The following DENR variants were observed in gnomAD, a reference collection of about 807,000 sequenced individuals.
The protein encoded by DENR is density regulated re-initiation and release factor.
In DENR, 6 loss-of-function variants were observed where a neutral mutation model predicts 30.6. The ratio of observed to expected loss-of-function variants is 0.20; its 90% confidence interval spans 0.11 to 0.39. The LOEUF (loss-of-function observed/expected upper bound fraction) is 0.39. DENR is among the 10% of genes least tolerant of loss of function. The probability of loss-of-function intolerance (pLI) is 1.00; values close to 1 mark genes in which losing one functional copy is unlikely to be tolerated. For synonymous variants in DENR, 78 were observed against 72.1 expected (o/e 1.08, Z -0.41); for missense variants, 141 against 230.9 (o/e 0.61, Z 2.52).
At position 122,769,289 on chromosome 12, in the gene DENR, T is replaced by C. The variant is rs1441713186; in HGVS notation, c.*211T>C. 5 of 800,982 alleles carry C rather than the reference T, an allele frequency of 6.2e-6. No homozygotes were observed. Among genetic ancestry groups the C allele is most frequent in the Admixed American group, 1.9e-4 (2 of 10,696 alleles). 49.6% of individuals were successfully genotyped at this position (800,982 alleles called of 1,614,324 possible). Reference sequence around the variant, plus strand: ...ACATATATGTATACATATATACACATATATGTATACATATATACACATATG... The same window carrying C: ...ACATATATGTATACATATATACACACATATGTATACATATATACACATATG... On this transcript the variant is annotated 3_prime_UTR_variant, in exon 8 of 8. Coordinates refer to ENST00000280557, the MANE Select transcript of DENR (RefSeq NM_003677.5).
intron 5 of DENR, among the ~76,000 whole-genome samples, chr12:122,766,357 C>T (rs966789287): frequency 6.6e-6 from 1 of 152,174 alleles, no homozygotes; most frequent in East Asian, 1.9e-4. Flanking sequence ...GTCTTCTGTG[C>T]GGACTTCTGT....
intron 3 of DENR, 95 bp from the exon 4 acceptor site, chr12:122,762,749 CT>C: frequency 1.3e-6 from 1 of 772,250 alleles, no homozygotes; most frequent in South Asian, 1.6e-5. Context: ...TTGTTTTATT[CT>C]TTGTATTAAC....
In DENR at chr12:122,762,723, G is replaced by T; in HGVS notation, c.127-122G>T. On this transcript the variant is annotated intron_variant, in intron 3 of 7. Coordinates refer to ENST00000280557, the MANE Select transcript of DENR (RefSeq NM_003677.5). ...AATACAGATTTCCTGTGGATAAGAAGTCAGATGGGAGTGGTTTGTTTTATT... is the reference window on the plus strand; with the variant it reads ...AATACAGATTTCCTGTGGATAAGAATTCAGATGGGAGTGGTTTGTTTTATT... 4.4e-6 allele frequency: 3 copies of T among 677,578 alleles called. 1 individual carries two copies. In the South Asian group the frequency reaches 5.3e-5, roughly 12 times the overall value. The allele number at this position is 677,578 out of a possible 1,614,324, so 42.0% of individuals were successfully genotyped here.
At chr12:122,756,064 C>T (rs973955864) in intron 2 of DENR, among the ~76,000 whole-genome samples, 15 of 152,172 alleles carry the variant, frequency 9.9e-5, no homozygotes, top group African/African-American at 3.4e-4. Flanking sequence ...ATAAGGTCCT[C>T]GGCTAAGTTC....
chr12:122,765,418 C>T (rs1878822064), intron 5 of DENR, 31 bp downstream of exon 5: 1 of 1,509,342 alleles, frequency 6.6e-7, no homozygotes, highest in South Asian at 1.2e-5. Context: ...TTGATTTGTA[C>T]AGTCATACCG....
intron 6 of DENR, 70 bp from the exon 7 acceptor site, chr12:122,768,712 T>A: frequency 7.3e-7 from 1 of 1,374,314 alleles, no homozygotes; most frequent in South Asian, 1.5e-5. Context: ...CAGATTAAAT[T>A]TCAAAATGGA....
chr12:122,768,661 A>G, intron 6 of DENR, 121 bp from the exon 7 acceptor site: 3 of 889,968 alleles, frequency 3.4e-6, no homozygotes, highest in Non-Finnish European at 5.0e-6. Flanking sequence ...TCTGAAAGGA[A>G]TATAAAACCC....
At chr12:122,758,058 T>C (rs1878596745) in intron 2 of DENR, among the ~76,000 whole-genome samples, 1 of 152,148 alleles carries the variant, frequency 6.6e-6, no homozygotes, top group Admixed American at 6.6e-5. Context: ...CATTCTCTGT[T>C]ATAGAAAGGC....
chr12:122,753,119 C>A (rs942303875), intron 1 of DENR, among the ~76,000 whole-genome samples, 169 bp downstream of exon 1: 3 of 152,204 alleles, frequency 2.0e-5, no homozygotes, highest in African/African-American at 7.2e-5. Context: ...ACCTGGTCGC[C>A]CTTGTCCCCT....
At chr12:122,761,119 T>TA (rs796473976) in intron 2 of DENR, among the ~76,000 whole-genome samples, 83 of 151,108 alleles carry the variant, frequency 5.5e-4, no homozygotes, top group Admixed American at 2.0e-3. Context: ...ACCCTTACTC[T>TA]AAAAAAAATA....
chr12:122,761,664 T>C (rs1040428882), intron 2 of DENR, among the ~76,000 whole-genome samples: 1 of 152,008 alleles, frequency 6.6e-6, no homozygotes, highest in African/African-American at 2.4e-5. Context: ...TACAAAAAAT[T>C]AGCTGGGCAT....
chr12:122,763,632 C>T (rs1878765820), intron 4 of DENR, among the ~76,000 whole-genome samples: 1 of 152,104 alleles, frequency 6.6e-6, no homozygotes, highest in Non-Finnish European at 1.5e-5. Flanking sequence ...ATCCGGGAGG[C>T]AGAGGTTGCA....
At position 122,763,102 on chromosome 12, in the gene DENR, T is replaced by C; in HGVS notation, c.211+173T>C. The C allele has an allele frequency of 3.7e-6, 2 of 537,760 alleles. 1 individual carries two copies. Among genetic ancestry groups the C allele is most frequent in the Non-Finnish European group, 6.5e-6 (2 of 306,214 alleles). 33.3% of individuals were successfully genotyped at this position (537,760 alleles called of 1,614,324 possible). ...GGATAGGTCTGAATATCAACTTTCT[T>C]ACATAAAAAAGTAAATGGGCCGGGC... On this transcript the variant is annotated intron_variant, in intron 4 of 7. Coordinates refer to ENST00000280557, the MANE Select transcript of DENR (RefSeq NM_003677.5).
chr12:122,765,525 G>T, intron 5 of DENR, 138 bp downstream of exon 5: 2 of 709,032 alleles, frequency 2.8e-6, no homozygotes, highest in Non-Finnish European at 4.7e-6. Context: ...GCTGAGGCAG[G>T]AGGATCACTT....
Position 122,770,601 on chromosome 12 carries a change from A to G in DENR, c.*1523A>G, listed in dbSNP as rs145365644. Reference sequence around the variant, plus strand: ...CTCACAAGAGAAAATGACAGTTTTAATGATGTATTTGATGAATTTAAACTT... The same window carrying G: ...CTCACAAGAGAAAATGACAGTTTTAGTGATGTATTTGATGAATTTAAACTT... On this transcript the variant is annotated 3_prime_UTR_variant, in exon 8 of 8. Transcript: ENST00000280557. The G allele has an allele frequency of 2.5e-3, 1,000 of 398,550 alleles. 27 individuals are homozygous for G. The Admixed American group carries it at 0.038, about 15-fold the overall frequency. 24.7% of individuals were successfully genotyped at this position (398,550 alleles called of 1,614,324 possible). A position where few individuals can be genotyped will look rare whatever the true frequency, so the allele number is the denominator to read the frequency against.
Position 122,770,739 on chromosome 12 carries a change from A to G in DENR, c.*1661A>G, listed in dbSNP as rs1879015130. On this transcript the variant is annotated 3_prime_UTR_variant, in exon 8 of 8. Transcript: ENST00000280557. ...CTTGTTTATCGCCATGCAAATTACAATCTTGAATGAGTGTTTTTTAAAAAT... is the reference window on the plus strand; with the variant it reads ...CTTGTTTATCGCCATGCAAATTACAGTCTTGAATGAGTGTTTTTTAAAAAT... 1 of 398,546 alleles carries G rather than the reference A, an allele frequency of 2.5e-6. No individual in the cohort carries two copies. 24.7% of individuals were successfully genotyped at this position (398,546 alleles called of 1,614,324 possible).
chr12:122,755,144 A>G (rs1878513004), intron 2 of DENR, among the ~76,000 whole-genome samples: 1 of 152,240 alleles, frequency 6.6e-6, no homozygotes, highest in African/African-American at 2.4e-5. Flanking sequence ...GAAAAGCCAG[A>G]AAGATTCTTG....
At chr12:122,757,565 A>G (rs959566053) in intron 2 of DENR, among the ~76,000 whole-genome samples, 6 of 152,204 alleles carry the variant, frequency 3.9e-5, no homozygotes, top group African/African-American at 9.7e-5. Context: ...AAGCTTCTCA[A>G]TTGTATAAGT....
Position 122,769,169 on chromosome 12 carries a change from CAT to C in DENR, c.*98_*99del, listed in dbSNP as rs1400547095. 2.1e-5 allele frequency: 24 copies of C among 1,132,784 alleles called. No homozygotes were observed. Among genetic ancestry groups the C allele is most frequent in the East Asian group, 3.3e-5 (1 of 30,102 alleles). 70.2% of individuals were successfully genotyped at this position (1,132,784 alleles called of 1,614,324 possible). Reference sequence around the variant, plus strand: ...CTTTTAAAATATATATATATATACACATATATATGTATATATACACATATATG... The same window carrying C: ...CTTTTAAAATATATATATATATACACATATATGTATATATACACATATATG... On this transcript the variant is annotated 3_prime_UTR_variant, in exon 8 of 8. Transcript: ENST00000280557.
Sources: allele counts gnomAD v4.1 joint callset (sites outside exome capture counted in the v4.1 genomes callset), GRCh38; gene constraint gnomAD v4.1.1; transcripts MANE v1.5; gene names NCBI Gene and HGNC (gene_info 2026-07-23, HGNC 2026-07-21).